FHIP1A: variants seen among roughly 807,000 people sequenced by gnomAD.
The protein encoded by FHIP1A is FHF complex subunit HOOK interacting protein 1A.
A neutral mutation model predicts 88.6 loss-of-function variants in FHIP1A; 61 were observed. That is an observed-to-expected ratio of 0.69 (90% CI 0.56 to 0.85). FHIP1A has a LOEUF of 0.85. Ranked by LOEUF, FHIP1A falls within the 40% of genes least tolerant of loss-of-function variation. FHIP1A has a pLI of 0.00. For synonymous variants in FHIP1A, 478 were observed against 496.0 expected, an observed-to-expected ratio of 0.96 and a Z score of 0.48; for missense variants, 1,154 against 1,273.5, an observed-to-expected ratio of 0.91 and a Z score of 1.43.
chr4:151,584,952 G>A (rs1370785257), intron 5 of FHIP1A, among the ~76,000 whole-genome samples: 1 of 152,110 alleles, frequency 6.6e-6, no homozygotes. Context: ...CGAAATCTGA[G>A]TAAGAGTCTT....
intron 7 of FHIP1A, among the ~76,000 whole-genome samples, chr4:151,608,180 G>C (rs989002774): frequency 2.7e-4 from 40 of 150,790 alleles, no homozygotes; most frequent in African/African-American, 7.8e-4. Context: ...AAGTAGCTGG[G>C]ATTACAAGCG....
At chr4:151,429,300 A>C (rs1027452677) in intron 1 of FHIP1A, among the ~76,000 whole-genome samples, 1 of 152,220 alleles carries the variant, frequency 6.6e-6, no homozygotes, top group African/African-American at 2.4e-5. Flanking sequence ...GGTACACCAT[A>C]AATATTTGTT....
intron 1 of FHIP1A, among the ~76,000 whole-genome samples, chr4:151,429,830 CAG>C (rs1184005450): frequency 8.1e-6 from 1 of 122,940 alleles, no homozygotes; most frequent in African/African-American, 3.2e-5. Context: ...GCCTGGGCGA[CAG>C]AGTGAGACTC....
chr4:151,525,928 G>C (rs1731614319), intron 3 of FHIP1A, among the ~76,000 whole-genome samples: 1 of 151,758 alleles, frequency 6.6e-6, no homozygotes, highest in Non-Finnish European at 1.5e-5. Flanking sequence ...TTGTGTCCCT[G>C]GGTACTTGAG....
intron 11 of FHIP1A, among the ~76,000 whole-genome samples, chr4:151,654,641 G>A (rs1048814658): frequency 3.3e-5 from 5 of 152,180 alleles, no homozygotes; most frequent in Non-Finnish European, 5.9e-5. Context: ...CTTGAAGGCC[G>A]AATTGTGTTG....
chr4:151,409,262 C>T lies in FHIP1A; in HGVS notation c.-559C>T, dbSNP rs1732500488. On this transcript the variant is annotated 5_prime_UTR_variant, in exon 1 of 14. Coordinates refer to ENST00000435205, the MANE Select transcript of FHIP1A (RefSeq NM_001109977.3). ...TCACGACCTACATTCTTCCCGGGCA[C>T]TCCTGAGTTTGAGCCGGGCCTGGAG... is the stretch of plus-strand genomic sequence containing the variant. The T allele has an allele frequency of 6.6e-6, 1 of 152,186 alleles. No individual in the cohort carries two copies. The highest frequency in any genetic ancestry group is 1.5e-5 in the Non-Finnish European group (1 of 68,080). The allele number at this position is 152,186 out of a possible 1,614,324, so 9.4% of individuals were successfully genotyped here. A position where few individuals can be genotyped will look rare whatever the true frequency, so the allele number is the denominator to read the frequency against.
intron 11 of FHIP1A, among the ~76,000 whole-genome samples, chr4:151,651,314 A>G (rs1737023092): frequency 6.6e-6 from 1 of 152,280 alleles, no homozygotes; most frequent in Non-Finnish European, 1.5e-5. Flanking sequence ...GAATTATGAT[A>G]GAAAACATCA....
At chr4:151,636,106 A>G (rs1480039255) in intron 8 of FHIP1A, among the ~76,000 whole-genome samples, 2 of 151,998 alleles carry the variant, frequency 1.3e-5, no homozygotes, top group African/African-American at 4.8e-5. Flanking sequence ...TAGAATAAAT[A>G]GAAAGGATTA....
chr4:151,419,570 T>TGAACACACCCTACC (rs1733039080), intron 1 of FHIP1A, among the ~76,000 whole-genome samples: 1 of 23,138 alleles, frequency 4.3e-5, no homozygotes, highest in Admixed American at 3.3e-4. Flanking sequence ...TCCTCATTCT[T>TGAACACACCCTACC]TTTTTTTTTT....
chr4:151,493,094 A>G (rs542747472), intron 3 of FHIP1A, among the ~76,000 whole-genome samples: 1 of 152,346 alleles, frequency 6.6e-6, no homozygotes, highest in Non-Finnish European at 1.5e-5. Flanking sequence ...ATTAACCAAG[A>G]AAAGAAGAGA....
At chr4:151,553,147 G>C (rs1468005941) in intron 3 of FHIP1A, among the ~76,000 whole-genome samples, 2 of 152,122 alleles carry the variant, frequency 1.3e-5, no homozygotes, top group African/African-American at 2.4e-5. Flanking sequence ...ATTTTCTAAA[G>C]CCAGGAGTCA....
chr4:151,612,623 A>C (rs115894181), intron 7 of FHIP1A, among the ~76,000 whole-genome samples: 142 of 152,280 alleles, frequency 9.3e-4, no homozygotes, highest in African/African-American at 3.0e-3. Context: ...CTCAAATGAT[A>C]TGCCCATCTC....
chr4:151,521,610 C>G (rs530905453), intron 3 of FHIP1A, among the ~76,000 whole-genome samples: 1 of 152,086 alleles, frequency 6.6e-6, no homozygotes, highest in African/African-American at 2.4e-5. Flanking sequence ...ATGGGTTATT[C>G]GGACTGTTAT....
At position 151,422,224 on chromosome 4, in the gene FHIP1A, A is replaced by AATAT. The variant is rs140940462; in HGVS notation, c.-356+12770_-356+12773dup. Among the ~76,000 whole-genome samples, 92 of 150,242 alleles carry AATAT rather than the reference A, an allele frequency of 6.1e-4. 1 individual carries two copies. Among genetic ancestry groups the AATAT allele is most frequent in the South Asian group, 1.1e-3 (5 of 4,736 alleles). On this transcript the variant is annotated intron_variant, in intron 1 of 13. Coordinates refer to ENST00000435205, the MANE Select transcript of FHIP1A (RefSeq NM_001109977.3). Reference sequence around the variant, plus strand: ...ACAAATATTTATGAGACATTAAAAAAATATATATATATATTAACTCTTTCC... The same window carrying AATAT: ...ACAAATATTTATGAGACATTAAAAAAATATATATATATATATATTAACTCTTTCC...
chr4:151,604,225 T>C (rs779359302), intron 7 of FHIP1A, among the ~76,000 whole-genome samples: 1 of 152,022 alleles, frequency 6.6e-6, no homozygotes, highest in African/African-American at 2.4e-5. Flanking sequence ...GGTTCTAGTC[T>C]TCTCTGTTCC....
At chr4:151,496,738 T>TTTTTTTTG (rs1730478916) in intron 3 of FHIP1A, among the ~76,000 whole-genome samples, 1 of 149,148 alleles carries the variant, frequency 6.7e-6, no homozygotes, top group African/African-American at 2.5e-5. Context: ...TTTTTTGTAT[T>TTTTTTTTG]TTTGATGGAG....
intron 3 of FHIP1A, among the ~76,000 whole-genome samples, chr4:151,517,477 T>A (rs1054571247): frequency 1.2e-4 from 19 of 152,138 alleles, no homozygotes; most frequent in East Asian, 5.8e-4. Context: ...TTTAAAAAAA[T>A]ATATATTCAT....
At chr4:151,488,203 A>G (rs1395929459) in intron 3 of FHIP1A, among the ~76,000 whole-genome samples, 1 of 152,024 alleles carries the variant, frequency 6.6e-6, no homozygotes, top group Non-Finnish European at 1.5e-5. Flanking sequence ...TCTTTTATCC[A>G]TATGTGCAGG....
intron 3 of FHIP1A, among the ~76,000 whole-genome samples, chr4:151,505,699 A>G (rs1730810703): frequency 2.0e-5 from 3 of 152,218 alleles, no homozygotes; most frequent in Admixed American, 6.5e-5. Flanking sequence ...ATAACATTCA[A>G]GTGGGCATGG....
Sources: gnomAD v4.1 joint callset for allele counts (sites outside exome capture counted in the v4.1 genomes callset) on GRCh38, gnomAD v4.1.1 for gene constraint, MANE v1.5 for transcripts, NCBI Gene and HGNC (gene_info 2026-07-23, HGNC 2026-07-21) for gene names.